MAP2: variants seen among roughly 807,000 people sequenced by gnomAD.
The protein encoded by MAP2 is microtubule associated protein 2.
A neutral mutation model predicts 137.6 loss-of-function variants in MAP2; 14 were observed. The ratio of observed to expected loss-of-function variants is 0.10; its 90% CI spans 0.07 to 0.16. MAP2 has a LOEUF of 0.16. MAP2 is among the 10% of genes least tolerant of loss of function. The pLI, the probability that MAP2 is intolerant of heterozygous loss-of-function variation, is 1.00. For synonymous variants in MAP2, 786 were observed against 782.3 expected, an observed-to-expected ratio of 1.00 and a Z score of -0.08; for missense variants, 2,088 against 2,191.5, an observed-to-expected ratio of 0.95 and a Z score of 0.94.
In MAP2 at chr2:209,730,396, G is replaced by T; in HGVS notation, c.5483G>T (p.Ter1828LeuextTer5). ...GCTGCACTCGCTAAGCAGGGCTTGT[G>T]AATATTTCTCATTTAGCATTGAAAT... ...VTAALAKQGL[*>L] Residue 1828 changes from the stop codon to leucine, a stop_lost, in exon 16 of 16, where the codon TGA (stop) becomes TTA (leucine). Coordinates refer to ENST00000682079, the MANE Select transcript of MAP2 (RefSeq NM_001375505.1). 1 of 1,611,410 alleles carries T rather than the reference G, an allele frequency of 6.2e-7. No homozygotes were observed. The highest frequency in any genetic ancestry group is 8.5e-7 in the Non-Finnish European group (1 of 1,177,976).
chr2:209,690,704 C>T (rs1046294916), intron 7 of MAP2: 1 of 1,289,680 alleles, frequency 7.8e-7, no homozygotes, highest in Non-Finnish European at 1.0e-6. Context: ...ACCCAAGGGC[C>T]TCAGTAAGGG....
intron 1 of MAP2, among the ~76,000 whole-genome samples, chr2:209,435,522 G>T (rs920525674): frequency 6.6e-6 from 1 of 151,840 alleles, no homozygotes; most frequent in African/African-American, 2.4e-5. Context: ...ACAGTTGCCT[G>T]TGTGGGTGGT....
intron 3 of MAP2, among the ~76,000 whole-genome samples, chr2:209,602,826 C>T (rs1372272451): frequency 6.6e-6 from 1 of 152,170 alleles, no homozygotes; most frequent in Non-Finnish European, 1.5e-5. Context: ...CAATATTACA[C>T]ATTATAATTC....
chr2:209,677,448 G>A (rs1032514356), intron 5 of MAP2, among the ~76,000 whole-genome samples: 2 of 146,154 alleles, frequency 1.4e-5, no homozygotes, highest in Admixed American at 1.4e-4. Context: ...ACAGATAGAT[G>A]TTGCTCAATT....
At chr2:209,628,530 TTAC>T (rs1256694415) in intron 4 of MAP2, among the ~76,000 whole-genome samples, 19 of 152,166 alleles carry the variant, frequency 1.2e-4, no homozygotes, top group Admixed American at 3.9e-4. Context: ...TCTCTCATGT[TTAC>T]TACTATCATA....
intron 1 of MAP2, among the ~76,000 whole-genome samples, chr2:209,492,138 C>A (rs1457566738): frequency 6.8e-6 from 1 of 147,664 alleles, no homozygotes; most frequent in African/African-American, 2.5e-5. Flanking sequence ...GCTGGTTCAA[C>A]ATATGCAAAT....
intron 4 of MAP2, among the ~76,000 whole-genome samples, chr2:209,634,201 T>G (rs1297871708): frequency 6.6e-6 from 1 of 152,164 alleles, no homozygotes; most frequent in African/African-American, 2.4e-5. Context: ...GTGCAGGCAA[T>G]AAACTGGGGA....
chr2:209,439,127 G>A (rs532017396), intron 1 of MAP2, among the ~76,000 whole-genome samples: 6 of 151,474 alleles, frequency 4.0e-5, no homozygotes, highest in African/African-American at 1.2e-4. Flanking sequence ...CTCTAATTCC[G>A]AGGTTGGAGA....
chr2:209,572,303 G>A (rs1179618860), intron 2 of MAP2, among the ~76,000 whole-genome samples: 1 of 152,132 alleles, frequency 6.6e-6, no homozygotes, highest in East Asian at 1.9e-4. Context: ...TGTCAAAGAT[G>A]ACCACATGCA....
intron 1 of MAP2, among the ~76,000 whole-genome samples, chr2:209,499,648 G>A (rs1456074771): frequency 6.6e-6 from 1 of 152,140 alleles, no homozygotes; most frequent in Non-Finnish European, 1.5e-5. Context: ...ATCCATACAG[G>A]AAACACAGTG....
intron 3 of MAP2, among the ~76,000 whole-genome samples, chr2:209,622,917 ATTT>A (rs1425562576): frequency 6.6e-6 from 1 of 152,128 alleles, no homozygotes; most frequent in Non-Finnish European, 1.5e-5. Context: ...GGTACCCTGA[ATTT>A]TTTAATAATC....
intron 8 of MAP2, 35 bp from the exon 9 acceptor site, chr2:209,696,504 CTGT>C (rs746830966): frequency 8.3e-5 from 127 of 1,535,318 alleles, no homozygotes; most frequent in Middle Eastern, 3.4e-4. Context: ...AATGTTTTCA[CTGT>C]TGTTGTTGTT....
intron 5 of MAP2, among the ~76,000 whole-genome samples, chr2:209,671,992 A>G (rs2049041373): frequency 6.6e-6 from 1 of 151,934 alleles, no homozygotes; most frequent in South Asian, 2.1e-4. Context: ...TTAATCAACC[A>G]AGCAATATTG....
intron 3 of MAP2, among the ~76,000 whole-genome samples, chr2:209,619,890 T>C (rs1398361235): frequency 6.6e-6 from 1 of 152,152 alleles, no homozygotes; most frequent in African/African-American, 2.4e-5. Context: ...TTAAGCAACA[T>C]GTTCAGTACA....
At chr2:209,446,133 A>C (rs1443137006) in intron 1 of MAP2, among the ~76,000 whole-genome samples, 2 of 151,822 alleles carry the variant, frequency 1.3e-5, no homozygotes, top group African/African-American at 2.4e-5. Context: ...ATTATTTAAG[A>C]AAAGTGTCAG....
intron 5 of MAP2, among the ~76,000 whole-genome samples, chr2:209,673,751 AC>A (rs2049959312): frequency 6.6e-6 from 1 of 151,834 alleles, no homozygotes; most frequent in Non-Finnish European, 1.5e-5. Context: ...TAATCTTCTA[AC>A]AACTAAGTCC....
chr2:209,675,263 A>C (rs894469123), intron 5 of MAP2, among the ~76,000 whole-genome samples: 10 of 151,844 alleles, frequency 6.6e-5, no homozygotes, highest in Non-Finnish European at 1.2e-4. Context: ...TTTTGGTTAA[A>C]CATATACAAA....
intron 2 of MAP2, among the ~76,000 whole-genome samples, chr2:209,525,771 A>G (rs979709733): frequency 6.6e-6 from 1 of 152,164 alleles, no homozygotes; most frequent in Non-Finnish European, 1.5e-5. Flanking sequence ...GGAATTTTGT[A>G]TAGTTCAAGA....
chr2:209,591,546 G>A (rs910431645), intron 3 of MAP2, among the ~76,000 whole-genome samples: 1 of 152,178 alleles, frequency 6.6e-6, no homozygotes, highest in Non-Finnish European at 1.5e-5. Flanking sequence ...AGAGTTGAAT[G>A]TATCGTTTTT....
Sources: gnomAD v4.1 joint callset for allele counts (sites outside exome capture counted in the v4.1 genomes callset) on GRCh38, gnomAD v4.1.1 for gene constraint, MANE v1.5 for transcripts, NCBI Gene and HGNC (gene_info 2026-07-23, HGNC 2026-07-21) for gene names.